UBXN11: variants seen among roughly 807,000 people sequenced by gnomAD.
UBXN11 encodes the protein UBX domain-containing protein 11.
A neutral mutation model predicts 62.8 loss-of-function variants in UBXN11; 47 were observed. The ratio of observed to expected loss-of-function variants is 0.75; its 90% CI spans 0.59 to 0.95. The LOEUF (loss-of-function observed/expected upper bound fraction) is 0.95, where lower values mean the gene tolerates loss of function less well. UBXN11 is among the 40% of genes least tolerant of loss of function. UBXN11 has a pLI of 0.00. For synonymous variants in UBXN11, 294 were observed against 267.0 expected (o/e 1.10, Z -0.99); for missense variants, 638 against 661.7 (o/e 0.96, Z 0.39).
chr1:26,301,573 G>T, intron 3 of UBXN11, 121 bp downstream of exon 3: 2 of 1,397,488 alleles, frequency 1.4e-6, no homozygotes, highest in East Asian at 2.4e-5. Context: ...CACAGAACAC[G>T]GTGGAGGCCG....
rs761708210 is a variant in UBXN11, at chr1:26,294,203, A to G, written c.559+2T>C. ...GGGCCTGGGGCAGACGCCCTGCTCT[A>G]CCTGGCTTCCAGAACTTCTTGGCTG... On this transcript the variant is annotated splice_donor_variant, in intron 8 of 14. Coordinates refer to ENST00000374222, the MANE Select transcript of UBXN11 (RefSeq NM_001389556.1). LOFTEE classifies it high-confidence loss of function. 6.2e-7 allele frequency: 1 copy of G among 1,613,912 alleles called. No homozygotes were observed. Among genetic ancestry groups the G allele is most frequent in the Non-Finnish European group, 8.5e-7 (1 of 1,179,856 alleles).
At chr1:26,310,707 G>A (rs1462064034), upstream of UBXN11, among the ~76,000 whole-genome samples, 6 of 146,040 alleles carry the variant, frequency 4.1e-5, no homozygotes, top group East Asian at 4.0e-4. Flanking sequence ...CAGCCTGGGC[G>A]ACAGTGCCAG....
chr1:26,293,450 A>G (rs1303434953), intron 8 of UBXN11, among the ~76,000 whole-genome samples: 4 of 151,912 alleles, frequency 2.6e-5, no homozygotes, highest in African/African-American at 9.7e-5. Context: ...ATGGTAGGCC[A>G]GGCGTGGTGG....
chr1:26,310,199 G>C (rs952066125), upstream of UBXN11, among the ~76,000 whole-genome samples: 3 of 152,108 alleles, frequency 2.0e-5, no homozygotes, highest in African/African-American at 7.2e-5. Context: ...TCAGGAGTTC[G>C]AGACCAGCCT....
At position 26,284,446 on chromosome 1, in the gene UBXN11, C is replaced by A; in HGVS notation, c.889G>T (p.Gly297Ter). 1 of 1,613,614 alleles carries A rather than the reference C, an allele frequency of 6.2e-7. No homozygotes were observed. Among genetic ancestry groups the A allele is most frequent in the Non-Finnish European group, 8.5e-7 (1 of 1,179,706 alleles). ...DLRNQVYLED[G>*]LDPFPGEGRV... ...CCCTCGCCTGGGAAGGGGTCCAGTC[C>A]ATCCTCCAGGTAGACCTGATTGCGC... Residue 297 changes from glycine to a stop codon, truncating the protein, a stop_gained, in exon 11 of 15, where the codon GGA (glycine) becomes TGA (stop). Transcript: ENST00000374222. LOFTEE classifies it high-confidence loss of function.
At chr1:26,291,650 C>T (rs995325581) in intron 8 of UBXN11, among the ~76,000 whole-genome samples, 3 of 152,184 alleles carry the variant, frequency 2.0e-5, no homozygotes, top group African/African-American at 7.2e-5. Flanking sequence ...GAGCCCAGCC[C>T]GCCACAGCAG....
chr1:26,292,321 C>T (rs542900677), intron 8 of UBXN11, among the ~76,000 whole-genome samples: 1 of 151,428 alleles, frequency 6.6e-6, no homozygotes, highest in Admixed American at 6.6e-5. Flanking sequence ...AGTTCAAGAC[C>T]AGCCTTGGCA....
rs1557677051 is a variant in UBXN11, at chr1:26,282,303, T to G, written c.1559A>C (p.Gln520Pro). The G allele has an allele frequency of 7.0e-7, 1 of 1,434,734 alleles. No homozygotes were observed. The highest frequency in any genetic ancestry group is 9.1e-7 in the Non-Finnish European group (1 of 1,104,506). 88.9% of individuals were successfully genotyped at this position (1,434,734 alleles called of 1,614,324 possible). ...SPCPGPSPSP[Q>P] Reference sequence around the variant, plus strand: ...CGGGTTGAGGGGGCGGGTGCTTTATTGGGGGCTGGGACTGGGTCCAGGACA... The same window carrying G: ...CGGGTTGAGGGGGCGGGTGCTTTATGGGGGGCTGGGACTGGGTCCAGGACA... The change falls in exon 15 of 15, where the codon CAA becomes CCA. Residue 520 changes from glutamine (Q) to proline (P), a missense_variant. Physicochemically the swap from Gln to Pro is moderately conservative, Grantham distance 76 (BLOSUM62 -1). Transcript: ENST00000374222.
upstream of UBXN11, among the ~76,000 whole-genome samples, chr1:26,308,715 A>G (rs1402057775): frequency 6.6e-6 from 1 of 152,174 alleles, no homozygotes; most frequent in African/African-American, 2.4e-5. Flanking sequence ...CGTGGGAAGC[A>G]GGAGCTCTGG....
intron 1 of UBXN11, among the ~76,000 whole-genome samples, chr1:26,303,670 C>T (rs2073594399): frequency 6.7e-6 from 1 of 148,832 alleles, no homozygotes; most frequent in Non-Finnish European, 1.5e-5. Flanking sequence ...CCATGTGACA[C>T]CAAGGTTAAG....
At chr1:26,312,061 C>T (rs951798363) in intron 1 of UBXN11, among the ~76,000 whole-genome samples, 12 of 152,260 alleles carry the variant, frequency 7.9e-5, no homozygotes, top group Admixed American at 6.5e-4. Flanking sequence ...GTCATGTTCT[C>T]CCCTACGTTC....
At chr1:26,285,643 G>T in intron 9 of UBXN11, 102 bp from the exon 10 acceptor site, 1 of 1,380,804 alleles carries the variant, frequency 7.2e-7, no homozygotes. Flanking sequence ...GTCACCCAGT[G>T]CCGCACTCTG....
At position 26,297,397 on chromosome 1, in the gene UBXN11, G is replaced by T. The variant is rs767680695; in HGVS notation, c.355+30C>A. On this transcript the variant is annotated intron_variant, in intron 6 of 14. Transcript: ENST00000374222. ...GCCCAGGGGAGGTGCCTGACTGGGG[G>T]CGCAGGTCAGCCCTCCAAGAGCCCC... 35 of 1,511,378 alleles carry T rather than the reference G, an allele frequency of 2.3e-5. No individual in the cohort carries two copies. In the Admixed American group the frequency reaches 8.0e-4, roughly 35 times the overall value. 93.6% of individuals were successfully genotyped at this position (1,511,378 alleles called of 1,614,324 possible). A position where few individuals can be genotyped will look rare whatever the true frequency, so the allele number is the denominator to read the frequency against.
chr1:26,285,991 G>T lies in UBXN11; in HGVS notation c.606C>A (p.Ala202=). The T allele has an allele frequency of 6.2e-7, 1 of 1,612,188 alleles. No homozygotes were observed. Among genetic ancestry groups the T allele is most frequent in the Non-Finnish European group, 8.5e-7 (1 of 1,178,730 alleles). ...PPEVDFDRLL[A]SLQDLSELVV... is the part of the protein sequence containing the mutation. ...CCAGCTCACTAAGATCCTGCAGGCT[G>T]GCCAGCAGCCTGTCAAAGTCCACCT... The change falls in exon 9 of 15, where the codon GCC becomes GCA. Residue 202 remains alanine (A), a synonymous_variant. Transcript: ENST00000374222.
chr1:26,282,874 C>T lies in UBXN11; in HGVS notation c.1141G>A (p.Glu381Lys). 1 of 1,614,182 alleles carries T rather than the reference C, an allele frequency of 6.2e-7. No homozygotes were observed. Among genetic ancestry groups the T allele is most frequent in the South Asian group, 1.1e-5 (1 of 91,066 alleles). ...IVVETPTLAA[E>K]RERSQESPNT... ...TCATCCCGCCCTCACCTCTCTCGCTCAGCGGCCAAGGTGGGCGTCTCCACC... is the reference window on the plus strand; with the variant it reads ...TCATCCCGCCCTCACCTCTCTCGCTTAGCGGCCAAGGTGGGCGTCTCCACC... The change falls in exon 13 of 15, where the codon GAG (glutamate) becomes AAG (lysine). Residue 381 changes from glutamate (E) to lysine (K), a missense_variant. Coordinates refer to ENST00000374222, the MANE Select transcript of UBXN11 (RefSeq NM_001389556.1).
At chr1:26,299,218 G>A (rs1484342598) in intron 4 of UBXN11, among the ~76,000 whole-genome samples, 2 of 152,034 alleles carry the variant, frequency 1.3e-5, no homozygotes, top group Non-Finnish European at 2.9e-5. Flanking sequence ...ACATCACATT[G>A]AAAAGCTGAG....
At chr1:26,289,907 G>T (rs2073218875) in intron 8 of UBXN11, among the ~76,000 whole-genome samples, 1 of 152,254 alleles carries the variant, frequency 6.6e-6, no homozygotes, top group African/African-American at 2.4e-5. Flanking sequence ...TGCAAGCCAG[G>T]CCCCGCTCTG....
chr1:26,302,367 A>AG (rs2073559606), intron 2 of UBXN11, among the ~76,000 whole-genome samples: 1 of 52,300 alleles, frequency 1.9e-5, no homozygotes, highest in East Asian at 2.9e-4. Flanking sequence ...GTCTTTAAAA[A>AG]AAAAAAAAAA....
chr1:26,297,006 A>G lies in UBXN11; in HGVS notation c.356-11T>C, dbSNP rs765662997. The G allele has an allele frequency of 6.3e-7, 1 of 1,595,682 alleles. No homozygotes were observed. Among genetic ancestry groups the G allele is most frequent in the Non-Finnish European group, 8.5e-7 (1 of 1,170,106 alleles). On this transcript the variant is annotated splice_polypyrimidine_tract_variant and intron_variant, in intron 6 of 14. Coordinates refer to ENST00000374222, the MANE Select transcript of UBXN11 (RefSeq NM_001389556.1). ...GCAGGGTTGCCTCGGCTTCAGGGAA[A>G]GACAGGGACAGGCTTCAGCTGCCCC...
Sources: gnomAD v4.1 joint callset for allele counts (sites outside exome capture counted in the v4.1 genomes callset) on GRCh38, gnomAD v4.1.1 for gene constraint, MANE v1.5 for transcripts, NCBI Gene and HGNC (gene_info 2026-07-23, HGNC 2026-07-21) for gene names.